VDAC1: variants seen among roughly 807,000 people sequenced by gnomAD.
The protein encoded by VDAC1 is non-selective voltage-gated ion channel VDAC1.
In VDAC1, 10 loss-of-function variants were observed where a neutral mutation model predicts 34.7. The observed-to-expected ratio is 0.29, with a 90% CI of 0.18 to 0.49. The LOEUF (loss-of-function observed/expected upper bound fraction) is 0.49, where lower values mean the gene tolerates loss of function less well. Ranked by LOEUF, VDAC1 falls within the 20% of genes least tolerant of loss-of-function variation. The pLI is 0.99. For missense variants in VDAC1, 230 were observed against 347.9 expected (o/e 0.66, Z 2.69); for synonymous variants, 130 against 136.0 (o/e 0.96, Z 0.30).
chr5:134,080,053 G>A, the VDAC1 span, among the ~76,000 whole-genome samples: 1 of 152,236 alleles, frequency 6.6e-6, no homozygotes, highest in Non-Finnish European at 1.5e-5. Flanking sequence ...GGGACGTGAG[G>A]CCCGGCCAGT....
intron 5 of VDAC1, among the ~76,000 whole-genome samples, chr5:133,982,289 G>A (rs1404382873): frequency 6.6e-6 from 1 of 152,152 alleles, no homozygotes; most frequent in Non-Finnish European, 1.5e-5. Flanking sequence ...TGAGGCAGGT[G>A]GATCACAAGG....
intron 6 of VDAC1, 90 bp downstream of exon 6, chr5:133,980,634 TAAAAA>T: frequency 2.2e-5 from 13 of 585,716 alleles, no homozygotes; most frequent in East Asian, 5.0e-5. Context: ...TGGGCTTTCT[TAAAAA>T]AAAAAAAAAA....
At chr5:134,013,182 G>T in the VDAC1 span, among the ~76,000 whole-genome samples, 1 of 152,002 alleles carries the variant, frequency 6.6e-6, no homozygotes, top group Non-Finnish European at 1.5e-5. Context: ...CATCAACCGC[G>T]GCAAAGAATT....
chr5:134,050,470 A>G, the VDAC1 span, among the ~76,000 whole-genome samples: 1 of 152,140 alleles, frequency 6.6e-6, no homozygotes, highest in African/African-American at 2.4e-5. Context: ...AAGCCCCCCC[A>G]GCAACTGTTT....
At position 133,981,655 on chromosome 5, in the gene VDAC1, C is replaced by T. The variant is rs574027349; in HGVS notation, c.324-699G>A. ...ATAAGCAGTTCAGTGTCTCTACTGC[C>T]GGTTCCTCAAGACCCAGCATCCCTT... On this transcript the variant is annotated intron_variant, in intron 5 of 8. Transcript: ENST00000265333. Among the ~76,000 whole-genome samples the T allele has an allele frequency of 2.3e-4, 35 of 152,284 alleles. 1 individual carries two copies. The highest frequency in any genetic ancestry group is 7.0e-4 in the African/African-American group (29 of 41,560).
the VDAC1 span, among the ~76,000 whole-genome samples, chr5:134,030,532 A>G: frequency 2.0e-5 from 3 of 152,032 alleles, no homozygotes; most frequent in African/African-American, 4.8e-5. Context: ...TCTAATAATA[A>G]GAAAGCTCAG....
rs1188434108 is a variant in VDAC1 at position 133,979,221 on chromosome 5, T to C, written c.551+1508A>G. 2.0e-5 allele frequency among the ~76,000 whole-genome samples: 3 copies of C among 152,082 alleles called. No individual in the cohort carries two copies. In the East Asian group the frequency reaches 5.8e-4, roughly 29 times the overall value. ...CTGAAGCTCAGATATGTGGGGGAAA[T>C]GGCTAACAGCCATTGTTCCTCCTAG... On this transcript the variant is annotated intron_variant, in intron 6 of 8. Transcript: ENST00000265333.
the VDAC1 span, among the ~76,000 whole-genome samples, chr5:134,054,050 C>A: frequency 6.6e-6 from 1 of 152,138 alleles, no homozygotes; most frequent in Non-Finnish European, 1.5e-5. Flanking sequence ...ATTTAATAAC[C>A]ATTTGGTATA....
At chr5:134,085,154 C>T in the VDAC1 span, among the ~76,000 whole-genome samples, 109,819 of 151,292 alleles carry the variant, frequency 0.73, 41,783 homozygotes, top group Non-Finnish European at 0.86. Flanking sequence ...CTGCAAGCTC[C>T]GCCTCCCGGG....
the VDAC1 span, among the ~76,000 whole-genome samples, chr5:134,065,143 C>A: frequency 6.6e-6 from 1 of 151,682 alleles, no homozygotes; most frequent in African/African-American, 2.4e-5. Flanking sequence ...CTAATGTATT[C>A]TTTAAAGGAT....
In VDAC1 at chr5:133,975,974, T is replaced by C. The variant is rs1253183282; in HGVS notation, c.599A>G (p.Lys200Arg). 1.9e-6 allele frequency: 3 copies of C among 1,614,024 alleles called. No homozygotes were observed. The highest frequency in any genetic ancestry group is 2.5e-6 in the Non-Finnish European group (3 of 1,180,010). The change falls in exon 7 of 9, where the codon AAG (lysine) becomes AGG (arginine). Residue 200 changes from lysine (K) to arginine (R), a missense_variant. Lys to Arg is a conservative substitution (Grantham distance 26). Transcript: ENST00000265333. ...FGGSIYQKVN[K>R]KLETAVNLAW... is the part of the protein sequence containing the mutation. Reference sequence around the variant, plus strand: ...AAGATTGACAGCGGTCTCCAACTTCTTGTTCACTTTCTGGTAAATGGAGCC... The same window carrying C: ...AAGATTGACAGCGGTCTCCAACTTCCTGTTCACTTTCTGGTAAATGGAGCC...
the VDAC1 span, among the ~76,000 whole-genome samples, chr5:134,102,441 G>A: frequency 4.6e-5 from 7 of 152,036 alleles, no homozygotes; most frequent in African/African-American, 1.5e-4. Context: ...GGCTGAGGTG[G>A]GCGGATCACC....
upstream of VDAC1, among the ~76,000 whole-genome samples, chr5:134,008,170 C>G (rs766634617): frequency 6.6e-6 from 1 of 152,044 alleles, no homozygotes; most frequent in African/African-American, 2.4e-5. Context: ...ATCCCCGCCC[C>G]GCAGGGATGG....
chr5:134,074,143 G>A, the VDAC1 span, among the ~76,000 whole-genome samples: 47 of 151,514 alleles, frequency 3.1e-4, no homozygotes, highest in African/African-American at 1.1e-3. Context: ...AAACCCCATC[G>A]CTCCTAAAAA....
chr5:134,052,036 A>G, the VDAC1 span, among the ~76,000 whole-genome samples: 1 of 152,106 alleles, frequency 6.6e-6, no homozygotes, highest in Non-Finnish European at 1.5e-5. Context: ...AACAGCGGGT[A>G]CAAGCAAGAA....
chr5:134,111,384 C>T, the VDAC1 span, among the ~76,000 whole-genome samples: 5 of 152,158 alleles, frequency 3.3e-5, no homozygotes, highest in African/African-American at 9.7e-5. Flanking sequence ...GGCCTCCTTG[C>T]AGCTGGTCCT....
chr5:134,078,647 C>CTTTTTT, the VDAC1 span, among the ~76,000 whole-genome samples: 5,920 of 118,000 alleles, frequency 0.05, 276 homozygotes, highest in African/African-American at 0.067. Flanking sequence ...CCTCAAGCAT[C>CTTTTTT]TTTTTTTTTT....
chr5:134,114,081 T>G, the VDAC1 span, among the ~76,000 whole-genome samples: 1 of 152,146 alleles, frequency 6.6e-6, no homozygotes, highest in African/African-American at 2.4e-5. Flanking sequence ...GTGTGATGTA[T>G]AAGCTCTGCA....
chr5:134,017,003 T>C, the VDAC1 span, among the ~76,000 whole-genome samples: 28 of 152,240 alleles, frequency 1.8e-4, no homozygotes, highest in African/African-American at 6.5e-4. Flanking sequence ...GCCCCTCTCC[T>C]GGGCATGTTC....
Sources: gnomAD v4.1 joint callset for allele counts (sites outside exome capture counted in the v4.1 genomes callset) on GRCh38, gnomAD v4.1.1 for gene constraint, MANE v1.5 for transcripts, NCBI Gene and HGNC (gene_info 2026-07-23, HGNC 2026-07-21) for gene names.